RAD51B: variants seen among roughly 807,000 people sequenced by gnomAD.
RAD51B encodes RAD51 paralog B.
A neutral mutation model predicts 42.2 loss-of-function variants in RAD51B; 38 were observed. The observed-to-expected ratio is 0.90, with a 90% CI of 0.70 to 1.18. RAD51B has a LOEUF of 1.18. Ranked by LOEUF, RAD51B falls within the 50% of genes most tolerant of loss-of-function variation. The pLI is 0.00. For missense variants in RAD51B, 373 were observed against 400.7 expected, an observed-to-expected ratio of 0.93 and a Z score of 0.59; for synonymous variants, 154 against 145.2, an observed-to-expected ratio of 1.06 and a Z score of -0.43.
intron 6 of RAD51B, 46 bp downstream of exon 6, chr14:67,886,034 T>C (rs1174159552): frequency 7.1e-7 from 1 of 1,405,662 alleles, no homozygotes; most frequent in East Asian, 2.4e-5. Flanking sequence ...GTTGAAGGTT[T>C]ATGTTTTATC....
intron 7 of RAD51B, among the ~76,000 whole-genome samples, chr14:67,912,925 C>T (rs1208603600): frequency 2.0e-5 from 3 of 152,038 alleles, no homozygotes; most frequent in Non-Finnish European, 4.4e-5. Context: ...AGGCTGGTCT[C>T]GAACTCCTGA....
At chr14:68,200,715 G>A (rs2079466701) in intron 7 of RAD51B, among the ~76,000 whole-genome samples, 1 of 152,096 alleles carries the variant, frequency 6.6e-6, no homozygotes, top group South Asian at 2.1e-4. Flanking sequence ...GTGCAGTGGT[G>A]TGATCACGGC....
At chr14:68,367,488 T>TA (rs1399973598) in intron 8 of RAD51B, among the ~76,000 whole-genome samples, 4 of 152,118 alleles carry the variant, frequency 2.6e-5, no homozygotes, top group African/African-American at 9.7e-5. Context: ...CTTGAGGATA[T>TA]AAAAAAGTAT....
At chr14:68,679,822 G>A (rs1028013857) in intron 11 of RAD51B, among the ~76,000 whole-genome samples, 2 of 152,182 alleles carry the variant, frequency 1.3e-5, no homozygotes, top group African/African-American at 4.8e-5. Context: ...TTGCCAAGTT[G>A]TAGGTGTTCT....
In RAD51B at chr14:67,903,147, C is replaced by T. The variant is rs114829931; in HGVS notation, c.756+15943C>T. ...TGCTGGGATTACAGGCGTGAGCCAC[C>T]GCGCCTGGCCTGAGAAAACTTCTAA... On this transcript the variant is annotated intron_variant, in intron 7 of 10. Transcript: ENST00000471583. Among the ~76,000 whole-genome samples, 478 of 152,228 alleles carry T rather than the reference C, an allele frequency of 3.1e-3. 2 individuals are homozygous for T. Among genetic ancestry groups the T allele is most frequent in the African/African-American group, 1.0e-2 (414 of 41,542 alleles).
intron 7 of RAD51B, among the ~76,000 whole-genome samples, chr14:68,065,743 A>G (rs1431658894): frequency 6.6e-6 from 1 of 151,838 alleles, no homozygotes; most frequent in East Asian, 1.9e-4. Context: ...AATATGGAGC[A>G]CCCTGGGCAG....
At chr14:68,090,655 A>T (rs897547670) in intron 7 of RAD51B, among the ~76,000 whole-genome samples, 1 of 151,392 alleles carries the variant, frequency 6.6e-6, no homozygotes, top group African/African-American at 2.4e-5. Flanking sequence ...AAAAATGTTC[A>T]TAGTCTGGGT....
intron 8 of RAD51B, among the ~76,000 whole-genome samples, chr14:68,299,410 CATT>C (rs962691911): frequency 7.9e-5 from 12 of 152,108 alleles, no homozygotes; most frequent in African/African-American, 2.7e-4. Flanking sequence ...TTTTCCTTGT[CATT>C]ATTCCCTAAA....
chr14:68,309,307 C>T (rs1304877112), intron 8 of RAD51B, among the ~76,000 whole-genome samples: 1 of 152,052 alleles, frequency 6.6e-6, no homozygotes, highest in Non-Finnish European at 1.5e-5. Flanking sequence ...ATGTCTGTTA[C>T]CCACTTCCCA....
chr14:68,026,769 C>T (rs1317667811), intron 7 of RAD51B, among the ~76,000 whole-genome samples: 3 of 152,092 alleles, frequency 2.0e-5, no homozygotes, highest in Non-Finnish European at 4.4e-5. Context: ...TAACAGCAGA[C>T]GGTTGAGTCC....
intron 8 of RAD51B, among the ~76,000 whole-genome samples, chr14:68,330,152 C>G (rs2082320917): frequency 6.6e-6 from 1 of 152,144 alleles, no homozygotes; most frequent in Admixed American, 6.5e-5. Context: ...GCAAAGCTCT[C>G]ATTCAGCTGC....
intron 7 of RAD51B, among the ~76,000 whole-genome samples, chr14:68,091,102 TG>T (rs1370967689): frequency 1.3e-5 from 2 of 152,128 alleles, no homozygotes; most frequent in African/African-American, 4.8e-5. Flanking sequence ...AGTCTATCAT[TG>T]TTGGACATTT....
rs567146495 is a variant in RAD51B at position 67,985,579 on chromosome 14, C to T, written c.756+98375C>T. ...TTCCTTTAATACAGCAGCTTTTTAGCTTTTCCTTGACTTTTGTGACACGGA... is the reference window on the plus strand; with the variant it reads ...TTCCTTTAATACAGCAGCTTTTTAGTTTTTCCTTGACTTTTGTGACACGGA... On this transcript the variant is annotated intron_variant, in intron 7 of 10. Coordinates refer to ENST00000471583, the MANE Select transcript of RAD51B (RefSeq NM_133510.4). 2.1e-3 allele frequency among the ~76,000 whole-genome samples: 324 copies of T among 152,142 alleles called. 2 individuals are homozygous for T. The highest frequency in any genetic ancestry group is 3.8e-3 in the Non-Finnish European group (260 of 67,996).
chr14:68,559,262 T>C (rs1389116399), intron 10 of RAD51B, among the ~76,000 whole-genome samples: 1 of 152,120 alleles, frequency 6.6e-6, no homozygotes, highest in African/African-American at 2.4e-5. Flanking sequence ...CAAACACCTG[T>C]AATTTGTACT....
chr14:68,106,344 TA>T (rs1016750550), intron 7 of RAD51B, among the ~76,000 whole-genome samples: 13 of 151,784 alleles, frequency 8.6e-5, no homozygotes, highest in Non-Finnish European at 1.5e-4. Flanking sequence ...CATTTTCATT[TA>T]AAAAAAATTA....
chr14:67,824,881 A>G (rs1207206340), intron 2 of RAD51B, among the ~76,000 whole-genome samples: 1 of 151,650 alleles, frequency 6.6e-6, no homozygotes, highest in African/African-American at 2.4e-5. Flanking sequence ...GTTCGAGACT[A>G]GCCTGGCCAA....
intron 8 of RAD51B, among the ~76,000 whole-genome samples, chr14:68,341,310 C>G (rs1345880941): frequency 6.6e-6 from 1 of 152,132 alleles, no homozygotes; most frequent in South Asian, 2.1e-4. Flanking sequence ...CATTAAATGA[C>G]ACTGTGTCAT....
At position 67,865,023 on chromosome 14, in the gene RAD51B, T is replaced by G. The variant is rs34896931; in HGVS notation, c.336T>G (p.Cys112Trp). ...SLTEITGPPGCGKTQFCIMMS... is the reference protein window; with the variant it reads ...SLTEITGPPGWGKTQFCIMMS... ...TTTAGATTACAGGTCCACCAGGTTG[T>G]GGAAAAACTCAGTTTTGTATAATGA... Residue 112 changes from cysteine (C) to tryptophan (W), a missense_variant, in exon 5 of 11, where the codon TGT (cysteine) becomes TGG (tryptophan). Transcript: ENST00000471583. 9.0e-7 allele frequency: 1 copy of G among 1,116,392 alleles called. No individual in the cohort carries two copies. Among genetic ancestry groups the G allele is most frequent in the Non-Finnish European group, 1.2e-6 (1 of 810,660 alleles). The allele number at this position is 1,116,392 out of a possible 1,614,324, so 69.2% of individuals were successfully genotyped here.
chr14:68,632,549 C>A (rs1595038489), intron 10 of RAD51B, among the ~76,000 whole-genome samples: 1 of 152,314 alleles, frequency 6.6e-6, no homozygotes, highest in East Asian at 1.9e-4. Context: ...AGGGATTTAG[C>A]CTTATGGGGC....
Sources: allele counts gnomAD v4.1 joint callset (sites outside exome capture counted in the v4.1 genomes callset), GRCh38; gene constraint gnomAD v4.1.1; transcripts MANE v1.5; gene names NCBI Gene and HGNC (gene_info 2026-07-23, HGNC 2026-07-21).